The following RNF185 variants were observed in gnomAD, a reference collection of about 807,000 sequenced individuals.
RNF185 encodes the protein ring finger protein 185.
A neutral mutation model predicts 24.9 loss-of-function variants in RNF185; 13 were observed. The observed-to-expected ratio is 0.52, with a 90% CI of 0.34 to 0.83. RNF185 has a LOEUF of 0.83. Ranked by LOEUF, RNF185 falls within the 40% of genes least tolerant of loss-of-function variation. The pLI is 0.01. For synonymous variants in RNF185, 79 were observed against 90.3 expected, an observed-to-expected ratio of 0.88 and a Z score of 0.71; for missense variants, 184 against 244.7, an observed-to-expected ratio of 0.75 and a Z score of 1.65.
chr22:31,174,096 C>T (rs183003339), intron 1 of RNF185, among the ~76,000 whole-genome samples: 7 of 152,270 alleles, frequency 4.6e-5, no homozygotes, highest in African/African-American at 7.2e-5. Flanking sequence ...ATGCTAGTCC[C>T]GTACTGTTTT....
At chr22:31,160,537 A>G (rs544010216) in intron 1 of RNF185, among the ~76,000 whole-genome samples, 3 of 152,254 alleles carry the variant, frequency 2.0e-5, no homozygotes, top group South Asian at 4.2e-4. Flanking sequence ...GGCTCCCACA[A>G]GCTCTCCTTT....
chr22:31,187,296 A>G, intron 2 of RNF185, 26 bp downstream of exon 2: 1 of 1,611,714 alleles, frequency 6.2e-7, no homozygotes, highest in Non-Finnish European at 8.5e-7. Context: ...TCCACCCCAG[A>G]GAGCACATTG....
At chr22:31,176,875 T>C (rs545544381) in intron 1 of RNF185, among the ~76,000 whole-genome samples, 88 of 152,304 alleles carry the variant, frequency 5.8e-4, no homozygotes, top group Admixed American at 1.8e-3. Context: ...TTTTAGTGGC[T>C]GTGTAATCTA....
chr22:31,166,766 C>T (rs1923951100), intron 1 of RNF185, among the ~76,000 whole-genome samples: 1 of 152,102 alleles, frequency 6.6e-6, no homozygotes, highest in Admixed American at 6.6e-5. Flanking sequence ...TCTCCTGCCT[C>T]AGCCTCCCGA....
Position 31,199,766 on chromosome 22 carries a change from CTT to C in RNF185, c.364-1730_364-1729del, listed in dbSNP as rs369009401. On this transcript the variant is annotated intron_variant, in intron 5 of 6. Transcript: ENST00000326132. ...ATTTTGTATTGAGGAGATGGAAACT[CTT>C]TGTTTTCCCTCCCTTTAGGTTTGCC... Among the ~76,000 whole-genome samples, 781 of 152,306 alleles carry C rather than the reference CTT, an allele frequency of 5.1e-3. 5 individuals are homozygous for C. Among genetic ancestry groups the C allele is most frequent in the African/African-American group, 0.018 (742 of 41,562 alleles).
rs919305676 is a variant in RNF185, at chr22:31,197,131, A to G, written c.363+141A>G. 12 of 1,283,210 alleles carry G rather than the reference A, an allele frequency of 9.4e-6. No individual in the cohort carries two copies. In the African/African-American group the frequency reaches 1.8e-4, roughly 19 times the overall value. The allele number at this position is 1,283,210 out of a possible 1,614,324, so 79.5% of individuals were successfully genotyped here. A position where few individuals can be genotyped will look rare whatever the true frequency, so the allele number is the denominator to read the frequency against. Reference sequence around the variant, plus strand: ...CAGAAAGGAAAAGAGGGGGAAAAAAATCACTTATAACCACACCAATCCAGA... The same window carrying G: ...CAGAAAGGAAAAGAGGGGGAAAAAAGTCACTTATAACCACACCAATCCAGA... On this transcript the variant is annotated intron_variant, in intron 5 of 6. Coordinates refer to ENST00000326132, the MANE Select transcript of RNF185 (RefSeq NM_152267.4).
At chr22:31,175,224 T>C (rs1602800612) in intron 1 of RNF185, among the ~76,000 whole-genome samples, 1 of 151,466 alleles carries the variant, frequency 6.6e-6, no homozygotes, top group Non-Finnish European at 1.5e-5. Context: ...CTGAGGCAGG[T>C]GGATTGCTTG....
intron 1 of RNF185, chr22:31,182,996 T>C (rs1187095423): frequency 6.6e-6 from 1 of 151,910 alleles, no homozygotes; most frequent in Non-Finnish European, 1.5e-5. Context: ...CAATCTCAGT[T>C]CACTGCAACC....
At chr22:31,168,962 T>C (rs980110717) in intron 1 of RNF185, among the ~76,000 whole-genome samples, 24 of 151,982 alleles carry the variant, frequency 1.6e-4, no homozygotes, top group Non-Finnish European at 1.2e-4. Context: ...CAGGCTGGAG[T>C]GCAGTGGTGG....
intron 1 of RNF185, among the ~76,000 whole-genome samples, chr22:31,176,727 A>G (rs1221408738): frequency 6.6e-6 from 1 of 152,126 alleles, no homozygotes; most frequent in East Asian, 1.9e-4. Context: ...TGACCTCGTG[A>G]TCCGCCTGCC....
chr22:31,183,825 C>T (rs1327833565), intron 1 of RNF185, among the ~76,000 whole-genome samples: 2 of 152,334 alleles, frequency 1.3e-5, no homozygotes, highest in Non-Finnish European at 2.9e-5. Context: ...TCTTTCTTTT[C>T]CCCACATTTC....
At chr22:31,178,770 T>A (rs1446476877) in intron 1 of RNF185, among the ~76,000 whole-genome samples, 1 of 152,194 alleles carries the variant, frequency 6.6e-6, no homozygotes, top group African/African-American at 2.4e-5. Context: ...GTTGGTTGAA[T>A]GAATAAGTGG....
At chr22:31,184,129 T>C (rs2048071333) in intron 1 of RNF185, among the ~76,000 whole-genome samples, 1 of 150,114 alleles carries the variant, frequency 6.7e-6, no homozygotes, top group South Asian at 2.1e-4. Flanking sequence ...ACGGGGCAGC[T>C]GCCGGGCAGA....
Position 31,178,960 on chromosome 22 carries a change from C to G in RNF185, c.-48-8087C>G, listed in dbSNP as rs570049789. Among the ~76,000 whole-genome samples the G allele has an allele frequency of 5.3e-5, 8 of 152,288 alleles. No individual in the cohort carries two copies. The East Asian group carries it at 1.5e-3, about 29-fold the overall frequency. On this transcript the variant is annotated intron_variant, in intron 1 of 6. Coordinates refer to ENST00000326132, the MANE Select transcript of RNF185 (RefSeq NM_152267.4). ...GTTAGGAAGTCTGAATTTGGCATTG[C>G]GTGGTGTCCTGGCCTTAGGCAGTCC... is the stretch of plus-strand genomic sequence containing the variant.
intron 5 of RNF185, among the ~76,000 whole-genome samples, chr22:31,197,483 A>G (rs2147960497): frequency 1.3e-5 from 2 of 152,290 alleles, no homozygotes; most frequent in East Asian, 3.9e-4. Flanking sequence ...CCTTTGTTAG[A>G]CATTAGCGGC....
intron 6 of RNF185, among the ~76,000 whole-genome samples, chr22:31,203,789 G>A (rs1375829039): frequency 6.6e-6 from 1 of 152,020 alleles, no homozygotes; most frequent in Non-Finnish European, 1.5e-5. Context: ...TAATGCCAAC[G>A]CTTTGGGAGG....
chr22:31,178,641 A>G (rs2048005635), intron 1 of RNF185, among the ~76,000 whole-genome samples: 1 of 152,176 alleles, frequency 6.6e-6, no homozygotes, highest in African/African-American at 2.4e-5. Context: ...AAATTAATCT[A>G]TGTGCCTTCA....
At chr22:31,202,214 G>T (rs1282088615) in intron 6 of RNF185, among the ~76,000 whole-genome samples, 4 of 152,042 alleles carry the variant, frequency 2.6e-5, no homozygotes, top group Non-Finnish European at 5.9e-5. Context: ...TCCGCATTCG[G>T]TATAGAGCCC....
intron 1 of RNF185, among the ~76,000 whole-genome samples, chr22:31,172,170 G>T (rs1363537456): frequency 6.6e-6 from 1 of 151,944 alleles, no homozygotes; most frequent in Non-Finnish European, 1.5e-5. Context: ...GAATTAATGA[G>T]ATTTCACTGA....
Sources: allele counts gnomAD v4.1 joint callset (sites outside exome capture counted in the v4.1 genomes callset), GRCh38; gene constraint gnomAD v4.1.1; transcripts MANE v1.5; gene names NCBI Gene and HGNC (gene_info 2026-07-23, HGNC 2026-07-21).